The following PRKCZ variants were observed in gnomAD, a reference collection of about 807,000 sequenced individuals.
PRKCZ encodes protein kinase C zeta.
In PRKCZ, 33 loss-of-function variants were observed where a neutral mutation model predicts 79.5. The observed-to-expected ratio is 0.41, with a 90% confidence interval of 0.31 to 0.55. The LOEUF is 0.55. PRKCZ is among the 20% of genes least tolerant of loss of function. PRKCZ has a pLI of 0.19. For missense variants in PRKCZ, 578 were observed against 813.5 expected (o/e 0.71, Z 3.52); for synonymous variants, 342 against 320.9 (o/e 1.07, Z -0.70).
At position 2,168,972 on chromosome 1, in the gene PRKCZ, A is replaced by G. The variant is rs1389642130; in HGVS notation, c.975-546A>G. Reference sequence around the variant, plus strand: ...TGATGACATCTGCGGATCTTTTAAAATCATACGATCATGTCTGCGAAACCG... The same window carrying G: ...TGATGACATCTGCGGATCTTTTAAAGTCATACGATCATGTCTGCGAAACCG... On this transcript the variant is annotated intron_variant, in intron 10 of 17. Transcript: ENST00000378567. This position sits in a 1 kb window ranked among gnomAD's most constrained non-coding sequence, Gnocchi z 4.7. 4 of 358,378 alleles carry G rather than the reference A, an allele frequency of 1.1e-5. No homozygotes were observed. The highest frequency in any genetic ancestry group is 7.7e-4 in the Middle Eastern group (2 of 2,606). 22.2% of individuals were successfully genotyped at this position (358,378 alleles called of 1,614,324 possible).
chr1:2,066,783 C>T (rs1330960955), intron 4 of PRKCZ, among the ~76,000 whole-genome samples: 1 of 152,152 alleles, frequency 6.6e-6, no homozygotes, highest in East Asian at 1.9e-4. Context: ...TAGCCAGGCG[C>T]CATGGCTCAT....
At position 2,132,984 on chromosome 1, in the gene PRKCZ, C is replaced by T. The variant is rs914429667; in HGVS notation, c.335-2278C>T. Among the ~76,000 whole-genome samples, 5 of 152,200 alleles carry T rather than the reference C, an allele frequency of 3.3e-5. No homozygotes were observed. In the South Asian group the frequency reaches 1.0e-3, roughly 31 times the overall value. On this transcript the variant is annotated intron_variant, in intron 4 of 17. Transcript: ENST00000378567. The stretch of plus-strand genomic sequence containing the variant: ...GGGCTCCCCACGTGAATTTAGGGGA[C>T]ACTTCAGTTCGTCCCGGCGGGGACT...
chr1:2,150,581 GCA>G (rs1679687831), intron 8 of PRKCZ, among the ~76,000 whole-genome samples: 1 of 152,230 alleles, frequency 6.6e-6, no homozygotes, highest in Non-Finnish European at 1.5e-5. Flanking sequence ...TTCCTCAGAA[GCA>G]CACAGCCTTA....
At chr1:2,064,943 G>A (rs28756503) in intron 4 of PRKCZ, among the ~76,000 whole-genome samples, 1 of 152,184 alleles carries the variant, frequency 6.6e-6, no homozygotes, top group Admixed American at 6.5e-5. Context: ...TTTGGGTAGT[G>A]CTGACATCTT....
At chr1:2,077,026 A>G (rs1018155149) in intron 4 of PRKCZ, among the ~76,000 whole-genome samples, 1 of 152,182 alleles carries the variant, frequency 6.6e-6, no homozygotes, top group African/African-American at 2.4e-5. Context: ...TGGTGGGCCC[A>G]CAGGTCTGTT....
At chr1:2,138,485 C>T (rs370439590) in intron 5 of PRKCZ, among the ~76,000 whole-genome samples, 31 of 152,266 alleles carry the variant, frequency 2.0e-4, no homozygotes, top group African/African-American at 6.0e-4. Context: ...AGAGCTGGCC[C>T]AGGGCTGAGC....
At chr1:2,052,141 T>C (rs1659725407) in intron 1 of PRKCZ, among the ~76,000 whole-genome samples, 1 of 152,074 alleles carries the variant, frequency 6.6e-6, no homozygotes, top group African/African-American at 2.4e-5. Flanking sequence ...GGTGCGGAGC[T>C]CAGGGGAGTC....
chr1:2,181,985 C>T (rs1343221103), intron 16 of PRKCZ: 1 of 397,090 alleles, frequency 2.5e-6, no homozygotes, highest in East Asian at 7.5e-5. Context: ...GTCTCCTCCA[C>T]CCAGTGGCCT....
chr1:2,150,729 G>T, intron 8 of PRKCZ, 61 bp from the exon 9 acceptor site: 4 of 1,511,210 alleles, frequency 2.6e-6, no homozygotes, highest in Non-Finnish European at 3.6e-6. Flanking sequence ...GTGATGCGTG[G>T]TCCTCTGAGT....
intron 9 of PRKCZ, among the ~76,000 whole-genome samples, chr1:2,155,379 GTGA>G (rs1334897341): frequency 2.3e-4 from 35 of 151,966 alleles, no homozygotes; most frequent in African/African-American, 7.2e-4. Flanking sequence ...GATGACAGTG[GTGA>G]TGATGGAGAT....
intron 4 of PRKCZ, 140 bp downstream of exon 4, chr1:2,059,731 C>T (rs530436794): frequency 9.8e-6 from 11 of 1,123,184 alleles, no homozygotes; most frequent in South Asian, 4.1e-5. Flanking sequence ...CCGTGGTGAC[C>T]GCAGGTGGGG....
intron 4 of PRKCZ, among the ~76,000 whole-genome samples, chr1:2,088,356 G>A (rs1372458598): frequency 3.9e-5 from 6 of 152,284 alleles, no homozygotes; most frequent in Admixed American, 3.3e-4. Context: ...GTCTCAGCTC[G>A]GAGGCTGCCC....
At chr1:2,071,396 G>A (rs549285890) in intron 4 of PRKCZ, 57 of 429,852 alleles carry the variant, frequency 1.3e-4, no homozygotes, top group African/African-American at 2.2e-4. Context: ...CTGCGCGACC[G>A]CCTGTGGAAC....
At chr1:2,106,664 G>A (rs1668545658) in intron 4 of PRKCZ, among the ~76,000 whole-genome samples, 4 of 108,740 alleles carry the variant, frequency 3.7e-5, no homozygotes, top group African/African-American at 1.6e-4. Flanking sequence ...ACCTCCACGT[G>A]TGTCACCAGG....
chr1:2,056,657 T>C, intron 3 of PRKCZ, 84 bp downstream of exon 3: 5 of 1,246,340 alleles, frequency 4.0e-6, no homozygotes, highest in Non-Finnish European at 5.6e-6. Flanking sequence ...GGATTTAAAA[T>C]GGTTTAAAAT....
intron 3 of PRKCZ, 63 bp from the exon 4 acceptor site, chr1:2,059,478 C>G: frequency 6.3e-7 from 1 of 1,591,720 alleles, no homozygotes; most frequent in Non-Finnish European, 8.6e-7. Context: ...GGGACTTCCT[C>G]CGTGAGACTG....
chr1:2,078,582 C>G (rs1357959939), intron 4 of PRKCZ, among the ~76,000 whole-genome samples: 2 of 152,148 alleles, frequency 1.3e-5, no homozygotes, highest in African/African-American at 2.4e-5. Context: ...AACCTTGCGA[C>G]ATTTGGATGT....
chr1:2,163,916 A>T (rs1000141506), intron 10 of PRKCZ, among the ~76,000 whole-genome samples: 13 of 152,114 alleles, frequency 8.5e-5, no homozygotes, highest in African/African-American at 3.1e-4. Flanking sequence ...AGAAAAAAAA[A>T]AGAAGAACAC....
chr1:2,050,686 A>G lies in PRKCZ; in HGVS notation c.56A>G (p.Lys19Arg). 8.2e-7 allele frequency: 1 copy of G among 1,221,526 alleles called. No individual in the cohort carries two copies. Among genetic ancestry groups the G allele is most frequent in the South Asian group, 4.1e-5 (1 of 24,246 alleles). 75.7% of individuals were successfully genotyped at this position (1,221,526 alleles called of 1,614,324 possible). A position where few individuals can be genotyped will look rare whatever the true frequency, so the allele number is the denominator to read the frequency against. ...GGGAGCGGCGGCCGCGTCCGCCTCA[A>G]GGCGCATTACGGGGGGTGAGCGGCG... ...MEGSGGRVRL[K>R]AHYGGDIFIT... The change falls in exon 1 of 18, where the codon AAG becomes AGG. Residue 19 changes from lysine (K) to arginine (R), a missense_variant. By Grantham distance (26) the Lys-to-Arg change is conservative. Coordinates refer to ENST00000378567, the MANE Select transcript of PRKCZ (RefSeq NM_002744.6).
Sources: gnomAD v4.1 joint callset for allele counts (sites outside exome capture counted in the v4.1 genomes callset) on GRCh38, gnomAD v4.1.1 for gene constraint, Gnocchi (gnomAD v3.1) non-coding constraint, MANE v1.5 for transcripts, NCBI Gene and HGNC (gene_info 2026-07-23, HGNC 2026-07-21) for gene names.